The following B4GALT6 variants were observed in gnomAD, a reference collection of about 807,000 sequenced individuals.
B4GALT6 encodes the protein beta-1,4-galactosyltransferase 6.
Under a neutral mutation model 46.3 loss-of-function variants are expected in B4GALT6, and 14 were observed. The ratio of observed to expected loss-of-function variants is 0.30; its 90% CI spans 0.20 to 0.47. B4GALT6 has a LOEUF of 0.47. B4GALT6 is among the 20% of genes least tolerant of loss of function. B4GALT6 has a pLI of 0.99. For missense variants in B4GALT6, 386 were observed against 480.1 expected (o/e 0.80, Z 1.83); for synonymous variants, 168 against 162.0 (o/e 1.04, Z -0.28).
Position 31,623,622 on chromosome 18 carries a change from C to T in B4GALT6, c.*1992G>A, listed in dbSNP as rs948716459. On this transcript the variant is annotated 3_prime_UTR_variant, in exon 9 of 9. Transcript: ENST00000306851. ...AATGAACTAATACACAAATGAAGTA[C>T]AAATATCATAATTTTCAGAAGGTTT... 1 of 152,124 alleles carries T rather than the reference C, an allele frequency of 6.6e-6. No individual in the cohort carries two copies. The highest frequency in any genetic ancestry group is 2.4e-5 in the African/African-American group (1 of 41,328). 9.4% of individuals were successfully genotyped at this position (152,124 alleles called of 1,614,324 possible). A position where few individuals can be genotyped will look rare whatever the true frequency, so the allele number is the denominator to read the frequency against.
intron 1 of B4GALT6, among the ~76,000 whole-genome samples, chr18:31,667,402 AGT>A (rs756374777): frequency 7.7e-4 from 117 of 152,370 alleles, no homozygotes; most frequent in Non-Finnish European, 1.4e-3. Flanking sequence ...CTCTGAATAC[AGT>A]AATGACACTC....
chr18:31,721,192 G>T, the B4GALT6 span, among the ~76,000 whole-genome samples: 1 of 151,878 alleles, frequency 6.6e-6, no homozygotes. Flanking sequence ...GTCGGGGGGT[G>T]GGGGGCTGGG....
chr18:31,633,754 C>T (rs1301422493), intron 5 of B4GALT6, among the ~76,000 whole-genome samples: 1 of 152,196 alleles, frequency 6.6e-6, no homozygotes, highest in East Asian at 1.9e-4. Context: ...TCCTTTACAT[C>T]ATTCCAGGAT....
chr18:31,633,880 T>A (rs2073823809), intron 5 of B4GALT6, among the ~76,000 whole-genome samples: 2 of 152,184 alleles, frequency 1.3e-5, no homozygotes, highest in African/African-American at 2.4e-5. Flanking sequence ...CAGAATGATT[T>A]ACTACTGCCG....
chr18:31,659,176 A>G (rs1331565005), intron 2 of B4GALT6, among the ~76,000 whole-genome samples: 1 of 152,230 alleles, frequency 6.6e-6, no homozygotes, highest in Non-Finnish European at 1.5e-5. Context: ...CACTTTAGGA[A>G]AATGTGAAGA....
chr18:31,681,687 T>C (rs1178019890), intron 1 of B4GALT6, among the ~76,000 whole-genome samples: 1 of 152,108 alleles, frequency 6.6e-6, no homozygotes, highest in Non-Finnish European at 1.5e-5. Context: ...GGAACTAAAA[T>C]GACAGAAGAT....
chr18:31,681,237 T>C (rs2074476439), intron 1 of B4GALT6, among the ~76,000 whole-genome samples: 1 of 152,200 alleles, frequency 6.6e-6, no homozygotes, highest in South Asian at 2.1e-4. Flanking sequence ...TTAATAAAGG[T>C]TTCCTATTAA....
intron 3 of B4GALT6, among the ~76,000 whole-genome samples, chr18:31,655,948 G>A (rs2074132990): frequency 6.6e-6 from 1 of 151,898 alleles, no homozygotes; most frequent in South Asian, 2.1e-4. Context: ...CTCTAGATCA[G>A]TGGGTCTCAA....
chr18:31,663,575 A>G (rs2074244963), intron 2 of B4GALT6, among the ~76,000 whole-genome samples: 1 of 152,228 alleles, frequency 6.6e-6, no homozygotes, highest in Non-Finnish European at 1.5e-5. Flanking sequence ...TTGGAAATCA[A>G]ATGTGCTTAT....
the B4GALT6 span, among the ~76,000 whole-genome samples, chr18:31,696,369 G>A: frequency 6.4e-4 from 98 of 152,100 alleles, 1 homozygote; most frequent in African/African-American, 2.2e-3. Flanking sequence ...AAAAGAAGGA[G>A]GCCCTCCATT....
chr18:31,652,560 T>C (rs2074084998), intron 3 of B4GALT6, among the ~76,000 whole-genome samples: 1 of 152,154 alleles, frequency 6.6e-6, no homozygotes, highest in Non-Finnish European at 1.5e-5. Flanking sequence ...TGATGTTCAG[T>C]CCGGATCTCT....
intron 1 of B4GALT6, among the ~76,000 whole-genome samples, chr18:31,674,806 G>A (rs572423358): frequency 7.2e-5 from 11 of 151,746 alleles, no homozygotes; most frequent in Admixed American, 6.6e-4. Flanking sequence ...GGTATTACTT[G>A]GATTAAAAAC....
intron 4 of B4GALT6, among the ~76,000 whole-genome samples, chr18:31,640,112 A>G (rs1288099169): frequency 2.6e-5 from 4 of 152,296 alleles, no homozygotes; most frequent in East Asian, 1.9e-4. Flanking sequence ...CAGTGAAAGT[A>G]TATCTAACCA....
chr18:31,649,658 C>T (rs1242562476), intron 3 of B4GALT6, among the ~76,000 whole-genome samples: 1 of 149,742 alleles, frequency 6.7e-6, no homozygotes, highest in Non-Finnish European at 1.5e-5. Flanking sequence ...AAAAAAAATG[C>T]TCCAAATCAC....
At chr18:31,688,253 A>G (rs190588620), upstream of B4GALT6, among the ~76,000 whole-genome samples, 557 of 148,236 alleles carry the variant, frequency 3.8e-3, 7 homozygotes, top group Non-Finnish European at 5.8e-3. Flanking sequence ...GAGTGTATAT[A>G]TATATACATA....
chr18:31,633,502 C>T (rs1330644129), intron 5 of B4GALT6, among the ~76,000 whole-genome samples: 2 of 152,170 alleles, frequency 1.3e-5, no homozygotes, highest in Admixed American at 1.3e-4. Context: ...GACCTTCTTT[C>T]GGTTTCTAAA....
chr18:31,623,534 C>T lies in B4GALT6; in HGVS notation c.*2080G>A, dbSNP rs548984441. ...CGAATGTGGACAGCTCCACATTGAT[C>T]AACAAATGTTAACATTCTCAATCTC... On this transcript the variant is annotated 3_prime_UTR_variant, in exon 9 of 9. Coordinates refer to ENST00000306851, the MANE Select transcript of B4GALT6 (RefSeq NM_004775.5). 1.1e-4 allele frequency: 17 copies of T among 152,396 alleles called. No homozygotes were observed. The highest frequency in any genetic ancestry group is 3.9e-4 in the African/African-American group (16 of 41,524). 9.4% of individuals were successfully genotyped at this position (152,396 alleles called of 1,614,324 possible).
intron 5 of B4GALT6, 52 bp from the exon 6 acceptor site, chr18:31,631,198 A>ATCTTTTTTTTTTTTTT: frequency 1.6e-6 from 2 of 1,221,964 alleles, no homozygotes; most frequent in Non-Finnish European, 2.1e-6. Flanking sequence ...ACACTTCATC[A>ATCTTTTTTTTTTTTTT]TCTTTTTTTT....
At chr18:31,661,659 C>G (rs2074218942) in intron 2 of B4GALT6, among the ~76,000 whole-genome samples, 2 of 152,084 alleles carry the variant, frequency 1.3e-5, no homozygotes, top group South Asian at 4.1e-4. Flanking sequence ...TCAATTTTTA[C>G]TAAGGACATA....
Sources: gnomAD v4.1 joint callset for allele counts (sites outside exome capture counted in the v4.1 genomes callset) on GRCh38, gnomAD v4.1.1 for gene constraint, MANE v1.5 for transcripts, NCBI Gene and HGNC (gene_info 2026-07-23, HGNC 2026-07-21) for gene names.